Variants in ZDHHC14 observed in about 807,000 individuals in gnomAD.
ZDHHC14 encodes the protein palmitoyltransferase ZDHHC14.
A neutral mutation model predicts 47.7 loss-of-function variants in ZDHHC14; 16 were observed. The observed-to-expected ratio is 0.34, with a 90% CI of 0.23 to 0.51. ZDHHC14 has a LOEUF of 0.51. Among genes scored for constraint, ZDHHC14 ranks in the 20% least tolerant of loss-of-function variants. The probability of loss-of-function intolerance (pLI) is 0.97; values close to 1 mark genes in which losing one functional copy is unlikely to be tolerated. For synonymous variants in ZDHHC14, 293 were observed against 278.9 expected (o/e 1.05, Z -0.50); for missense variants, 515 against 662.5 (o/e 0.78, Z 2.44).
At chr6:157,554,251 G>A (rs1316954313) in intron 2 of ZDHHC14, among the ~76,000 whole-genome samples, 1 of 152,178 alleles carries the variant, frequency 6.6e-6, no homozygotes, top group Non-Finnish European at 1.5e-5. Context: ...GAAATTAGCA[G>A]AATAGAAGTG....
At chr6:157,625,834 A>G (rs900053762) in intron 3 of ZDHHC14, among the ~76,000 whole-genome samples, 3 of 152,178 alleles carry the variant, frequency 2.0e-5, no homozygotes, top group Middle Eastern at 3.4e-3. Context: ...TTTGCCAGAA[A>G]AAGTTTTCAA....
chr6:157,414,539 A>C (rs10485040), intron 1 of ZDHHC14, among the ~76,000 whole-genome samples: 3 of 152,092 alleles, frequency 2.0e-5, no homozygotes, highest in African/African-American at 4.8e-5. Flanking sequence ...GAAGTTTCCA[A>C]GACAGTATAT....
chr6:157,549,166 T>A (rs1178905334), intron 2 of ZDHHC14, among the ~76,000 whole-genome samples: 1 of 152,244 alleles, frequency 6.6e-6, no homozygotes, highest in Non-Finnish European at 1.5e-5. Context: ...GAAGCCATGC[T>A]TGGCTCCCTG....
chr6:157,652,017 C>T (rs1166148875), intron 7 of ZDHHC14, among the ~76,000 whole-genome samples: 1 of 152,194 alleles, frequency 6.6e-6, no homozygotes, highest in African/African-American at 2.4e-5. Flanking sequence ...TGCTCTTTTC[C>T]CCTCGGACCC....
rs1478922555 is a variant in ZDHHC14, at chr6:157,586,935, G to A, written c.407-6053G>A. 6.6e-6 allele frequency among the ~76,000 whole-genome samples: 1 copy of A among 152,146 alleles called. No homozygotes were observed. Among genetic ancestry groups the A allele is most frequent in the East Asian group, 1.9e-4 (1 of 5,192 alleles). ...ACAGAGGTTCAATCTTTTAAAAAAT[G>A]CACTTTGGAACTAAAGATCAATAGA... On this transcript the variant is annotated intron_variant, in intron 2 of 8. Transcript: ENST00000359775. The surrounding 1 kb of genome is among the most constrained non-coding windows in gnomAD (Gnocchi z 4.6).
intron 1 of ZDHHC14, among the ~76,000 whole-genome samples, chr6:157,498,913 C>G (rs919897141): frequency 1.3e-5 from 2 of 152,180 alleles, no homozygotes; most frequent in Admixed American, 1.3e-4. Flanking sequence ...TATGCTGGAA[C>G]AGCTGAGCAG....
rs1045155264 is a variant in ZDHHC14, at chr6:157,433,286, T to C, written c.245+51020T>C. 2.6e-5 allele frequency among the ~76,000 whole-genome samples: 4 copies of C among 152,236 alleles called. No homozygotes were observed. In the East Asian group the frequency reaches 7.7e-4, roughly 29 times the overall value. On this transcript the variant is annotated intron_variant, in intron 1 of 8. Transcript: ENST00000359775. ...TGATTCTGATGATGTGGACACATGA[T>C]TGCAAGCTAAATACCAAATATCATT... is the stretch of plus-strand genomic sequence containing the variant.
At chr6:157,667,729 G>A (rs1219763625) in intron 8 of ZDHHC14, among the ~76,000 whole-genome samples, 1 of 152,178 alleles carries the variant, frequency 6.6e-6, no homozygotes, top group Non-Finnish European at 1.5e-5. Flanking sequence ...TCACAGCCAT[G>A]AAGGTTTATG....
At position 157,674,186 on chromosome 6, in the gene ZDHHC14, C is replaced by T. The variant is rs1398228973; in HGVS notation, c.*1064C>T. 3 of 152,020 alleles carry T rather than the reference C, an allele frequency of 2.0e-5. No individual in the cohort carries two copies. Among genetic ancestry groups the T allele is most frequent in the African/African-American group, 7.3e-5 (3 of 41,358 alleles). The allele number at this position is 152,020 out of a possible 1,614,324, so 9.4% of individuals were successfully genotyped here. On this transcript the variant is annotated 3_prime_UTR_variant, in exon 9 of 9. Transcript: ENST00000359775. ...AATTTGCTCTACGTTTGCAGTTTGC[C>T]GTGCAACAGTTGATCGGAAGTAGGG...
At chr6:157,524,199 G>T (rs1346703264) in intron 1 of ZDHHC14, among the ~76,000 whole-genome samples, 4 of 148,588 alleles carry the variant, frequency 2.7e-5, no homozygotes, top group Non-Finnish European at 4.5e-5. Context: ...GTGTGATCTT[G>T]GCTCACTGCA....
At chr6:157,418,969 C>T (rs2114767283) in intron 1 of ZDHHC14, among the ~76,000 whole-genome samples, 1 of 152,282 alleles carries the variant, frequency 6.6e-6, no homozygotes, top group South Asian at 2.1e-4. Context: ...GACGATTGCA[C>T]TATAAGATGC....
rs1410814449 is a variant in ZDHHC14 at position 157,673,080 on chromosome 6, T to G, written c.1425T>G (p.His475Gln). ...VLGLASQDSL[H>Q]EDSVRGLVKL... is the part of the protein sequence containing the mutation. ...GCCTGGCCAGCCAGGACTCCCTGCA[T>G]GAGGACTCTGTGCGCGGCCTGGTGA... Residue 475 changes from histidine (H) to glutamine (Q), a missense_variant, in exon 9 of 9, where the codon CAT (histidine) becomes CAG (glutamine). By Grantham distance (24) the His-to-Gln change is conservative. Coordinates refer to ENST00000359775, the MANE Select transcript of ZDHHC14 (RefSeq NM_024630.3). This position sits in a 1 kb window ranked among gnomAD's most constrained non-coding sequence, Gnocchi z 5.4. The G allele has an allele frequency of 6.4e-7, 1 of 1,573,696 alleles. No homozygotes were observed. The highest frequency in any genetic ancestry group is 8.6e-7 in the Non-Finnish European group (1 of 1,168,052).
At chr6:157,467,317 C>G (rs1433307619) in intron 1 of ZDHHC14, among the ~76,000 whole-genome samples, 1 of 152,022 alleles carries the variant, frequency 6.6e-6, no homozygotes, top group African/African-American at 2.4e-5. Context: ...CAGTTGCTCC[C>G]CCTGTCCTAC....
chr6:157,655,524 G>A (rs2114995330), intron 8 of ZDHHC14, among the ~76,000 whole-genome samples: 1 of 152,362 alleles, frequency 6.6e-6, no homozygotes, highest in African/African-American at 2.4e-5. Flanking sequence ...TGCCCTGTAA[G>A]GACAGAGCTC....
At chr6:157,489,435 G>GTT (rs149802681) in intron 1 of ZDHHC14, among the ~76,000 whole-genome samples, 6 of 147,196 alleles carry the variant, frequency 4.1e-5, no homozygotes, top group African/African-American at 1.5e-4. Flanking sequence ...TCTTTCAGTT[G>GTT]TTTTTTTTTT....
intron 8 of ZDHHC14, among the ~76,000 whole-genome samples, chr6:157,656,145 A>G (rs138264395): frequency 0.019 from 2,891 of 152,314 alleles, 44 homozygotes; most frequent in Non-Finnish European, 0.03. Context: ...GACTCTGGAC[A>G]TGGCAGAAAT....
chr6:157,455,623 G>A (rs990620997), intron 1 of ZDHHC14, among the ~76,000 whole-genome samples: 2 of 152,160 alleles, frequency 1.3e-5, no homozygotes, highest in East Asian at 3.9e-4. Flanking sequence ...CCTGTTGAGG[G>A]GCTGGTTAGA....
chr6:157,578,284 G>A (rs1783383031), intron 2 of ZDHHC14, among the ~76,000 whole-genome samples: 1 of 152,202 alleles, frequency 6.6e-6, no homozygotes, highest in Non-Finnish European at 1.5e-5. Flanking sequence ...TGTCCAGAAT[G>A]ACATTTCCTA....
At chr6:157,624,989 G>A (rs550606454) in intron 3 of ZDHHC14, among the ~76,000 whole-genome samples, 1 of 152,272 alleles carries the variant, frequency 6.6e-6, no homozygotes, top group African/African-American at 2.4e-5. Context: ...AAGGCAGGAG[G>A]GCAAGAGAGT....
Sources: allele counts gnomAD v4.1 joint callset (sites outside exome capture counted in the v4.1 genomes callset), GRCh38; gene constraint gnomAD v4.1.1; non-coding constraint Gnocchi (gnomAD v3.1); transcripts MANE v1.5; gene names NCBI Gene and HGNC (gene_info 2026-07-23, HGNC 2026-07-21).